ZFHX3: variants seen among roughly 807,000 people sequenced by gnomAD.
The protein encoded by ZFHX3 is zinc finger homeobox protein 3.
ZFHX3 carries 42 observed loss-of-function variants against 279.1 expected under a neutral mutation model. The ratio of observed to expected loss-of-function variants is 0.15; its 90% CI spans 0.12 to 0.19. ZFHX3 has a LOEUF of 0.19. Ranked by LOEUF, ZFHX3 falls within the 10% of genes least tolerant of loss-of-function variation. ZFHX3 has a pLI of 1.00. For synonymous variants in ZFHX3, 2,293 were observed against 1,957.8 expected, an observed-to-expected ratio of 1.17 and a Z score of -4.52; for missense variants, 4,981 against 4,754.0, an observed-to-expected ratio of 1.05 and a Z score of -1.40.
intron 5 of ZFHX3, among the ~76,000 whole-genome samples, chr16:73,231,667 G>T (rs2012777218): frequency 1.3e-5 from 2 of 152,184 alleles, no homozygotes; most frequent in African/African-American, 4.8e-5. Flanking sequence ...TACTTTGCTT[G>T]TCTAAGTCTA....
rs1398647404 is a variant in ZFHX3, at chr16:72,794,546, T to C, written c.8136A>G (p.Arg2712=). The C allele has an allele frequency of 5.6e-6, 9 of 1,614,172 alleles. No homozygotes were observed. Among genetic ancestry groups the C allele is most frequent in the Non-Finnish European group, 5.9e-6 (7 of 1,180,034 alleles). ...RAVGPAQAHR[R]CPFCRALFKA... The stretch of plus-strand genomic sequence containing the variant: ...TGAAGAGCGCTCTGCAAAAAGGGCA[T>C]CTCCTGTGGGCCTGCGCTGGGCCTA... The change falls in exon 9 of 10, where the codon AGA becomes AGG. Residue 2712 remains arginine, a synonymous_variant. Coordinates refer to ENST00000268489, the MANE Select transcript of ZFHX3 (RefSeq NM_006885.4). The surrounding 1 kb of genome is among the most constrained non-coding windows in gnomAD (Gnocchi z 4.2).
intron 1 of ZFHX3, among the ~76,000 whole-genome samples, chr16:73,782,955 A>C (rs572648526): frequency 6.6e-6 from 1 of 152,224 alleles, no homozygotes; most frequent in Admixed American, 6.5e-5. Context: ...CAATAGGTGA[A>C]AACTTCAGGA....
At chr16:73,078,305 G>A (rs1165423341) in intron 8 of ZFHX3, among the ~76,000 whole-genome samples, 2 of 152,032 alleles carry the variant, frequency 1.3e-5, no homozygotes, top group South Asian at 2.1e-4. Flanking sequence ...AGACAACCTC[G>A]AAGTCAAAGC....
At chr16:73,891,400 C>T (rs1271483904) in intron 1 of ZFHX3, among the ~76,000 whole-genome samples, 1 of 152,052 alleles carries the variant, frequency 6.6e-6, no homozygotes, top group East Asian at 1.9e-4. Context: ...ACATGAGTTC[C>T]GTTCTCAGAT....
chr16:73,112,370 C>A (rs1232072116), intron 7 of ZFHX3, among the ~76,000 whole-genome samples: 1 of 151,814 alleles, frequency 6.6e-6, no homozygotes, highest in African/African-American at 2.4e-5. Context: ...GAGTCCTAGT[C>A]TCATAAATTA....
Position 72,959,162 on chromosome 16 carries a change from C to G in ZFHX3, c.984G>C (p.Gly328=). 1 of 1,614,232 alleles carries G rather than the reference C, an allele frequency of 6.2e-7. No homozygotes were observed. Among genetic ancestry groups the G allele is most frequent in the Admixed American group, 1.7e-5 (1 of 60,038 alleles). ...SNKNISAIIQ[G]IGKDKEPLVS... is the part of the protein sequence containing the mutation. ...CAAGGGGTTCCTTGTCTTTGCCGAT[C>G]CCTTGGATGATAGCGGAGATGTTCT... Residue 328 remains glycine, a synonymous_variant, in exon 2 of 10, where the codon GGG becomes GGC. Transcript: ENST00000268489.
intron 2 of ZFHX3, among the ~76,000 whole-genome samples, chr16:73,543,777 TAA>T (rs960849553): frequency 6.7e-6 from 1 of 150,372 alleles, no homozygotes; most frequent in African/African-American, 2.5e-5. Context: ...AGACTGTGAA[TAA>T]ATGCGAGTGA....
chr16:73,556,374 T>G (rs1321889559), intron 2 of ZFHX3, among the ~76,000 whole-genome samples: 1 of 152,156 alleles, frequency 6.6e-6, no homozygotes, highest in Non-Finnish European at 1.5e-5. Flanking sequence ...ATATTAACCT[T>G]CTTCCCTTCT....
intron 2 of ZFHX3, among the ~76,000 whole-genome samples, chr16:73,613,706 G>A (rs1279668123): frequency 1.3e-5 from 2 of 152,308 alleles, no homozygotes; most frequent in Non-Finnish European, 2.9e-5. Context: ...TTTCTGGAGG[G>A]TCCATTCTAT....
At chr16:72,836,893 G>C (rs1370639822) in intron 4 of ZFHX3, among the ~76,000 whole-genome samples, 1 of 152,248 alleles carries the variant, frequency 6.6e-6, no homozygotes. Context: ...GCAGGCAGGG[G>C]CTCTACAGCT....
chr16:73,790,999 C>A (rs1959806881), intron 1 of ZFHX3, among the ~76,000 whole-genome samples: 1 of 152,008 alleles, frequency 6.6e-6, no homozygotes, highest in Non-Finnish European at 1.5e-5. Context: ...GGGTCTCATT[C>A]TGTTGCCCAG....
intron 2 of ZFHX3, among the ~76,000 whole-genome samples, chr16:73,562,405 C>G (rs1448011698): frequency 6.6e-6 from 1 of 152,012 alleles, no homozygotes; most frequent in Non-Finnish European, 1.5e-5. Context: ...ACCATCCTGG[C>G]TAACACGGTG....
At chr16:72,804,013 G>T (rs1047250174) in intron 7 of ZFHX3, among the ~76,000 whole-genome samples, 3 of 152,224 alleles carry the variant, frequency 2.0e-5, no homozygotes, top group Non-Finnish European at 2.9e-5. Flanking sequence ...GCTGACTGGG[G>T]TGCAGAAAAT....
intron 4 of ZFHX3, among the ~76,000 whole-genome samples, chr16:72,832,145 C>T (rs537279634): frequency 3.3e-5 from 5 of 152,098 alleles, no homozygotes; most frequent in African/African-American, 9.7e-5. Context: ...AGGGATTTAC[C>T]CACTGGGGGG....
At chr16:72,856,577 CTGCCCAGGGCAG>C (rs2037760669) in intron 4 of ZFHX3, among the ~76,000 whole-genome samples, 1 of 152,216 alleles carries the variant, frequency 6.6e-6, no homozygotes, top group South Asian at 2.1e-4. Context: ...CTGGAGACAG[CTGCCCAGGGCAG>C]ACAGAGGTAC....
At chr16:73,862,359 A>G (rs1961904191) in intron 1 of ZFHX3, among the ~76,000 whole-genome samples, 1 of 152,202 alleles carries the variant, frequency 6.6e-6, no homozygotes, top group African/African-American at 2.4e-5. Flanking sequence ...CATCAACTAC[A>G]TATTGGAAAG....
Position 73,509,558 on chromosome 16 carries a change from T to G in ZFHX3, c.-1546-53300A>C, listed in dbSNP as rs533148338. On this transcript the variant is annotated intron_variant, in intron 2 of 17. Transcript: ENST00000641206. ...TTTTTTTTTTTTGAGACAATTTCACTCTGTCACCGAGGCTGGAGTGCAGTG... is the reference window on the plus strand; with the variant it reads ...TTTTTTTTTTTTGAGACAATTTCACGCTGTCACCGAGGCTGGAGTGCAGTG... 1.2e-4 allele frequency among the ~76,000 whole-genome samples: 16 copies of G among 139,082 alleles called. No homozygotes were observed. The East Asian group carries it at 3.3e-3, about 29-fold the overall frequency. 91.2% of individuals were successfully genotyped at this position (139,082 alleles called of 152,430 possible). A position where few individuals can be genotyped will look rare whatever the true frequency, so the allele number is the denominator to read the frequency against.
intron 1 of ZFHX3, among the ~76,000 whole-genome samples, chr16:73,694,956 G>A (rs1263543028): frequency 1.3e-5 from 2 of 152,220 alleles, no homozygotes; most frequent in Non-Finnish European, 2.9e-5. Flanking sequence ...CAAAAGCCAA[G>A]TACTCCACTA....
intron 3 of ZFHX3, among the ~76,000 whole-genome samples, chr16:72,898,193 G>C (rs2144116596): frequency 1.3e-5 from 2 of 152,288 alleles, no homozygotes; most frequent in East Asian, 3.9e-4. Context: ...CTTGACGCAT[G>C]CTAATTTAGT....
Sources: allele counts gnomAD v4.1 joint callset (sites outside exome capture counted in the v4.1 genomes callset), GRCh38; gene constraint gnomAD v4.1.1; non-coding constraint Gnocchi (gnomAD v3.1); transcripts MANE v1.5; gene names NCBI Gene and HGNC (gene_info 2026-07-23, HGNC 2026-07-21).